MYO3A: variants seen among roughly 807,000 people sequenced by gnomAD.
MYO3A encodes the protein myosin-IIIa.
Under a neutral mutation model 192.7 loss-of-function variants are expected in MYO3A, and 180 were observed. The ratio of observed to expected loss-of-function variants is 0.93; its 90% CI spans 0.83 to 1.06. The LOEUF is 1.06. Ranked by LOEUF, MYO3A falls within the 50% of genes least tolerant of loss-of-function variation. MYO3A has a pLI of 0.00. For missense variants in MYO3A, 1,896 were observed against 1,905.0 expected, an observed-to-expected ratio of 1.00 and a Z score of 0.09; for synonymous variants, 628 against 645.3, an observed-to-expected ratio of 0.97 and a Z score of 0.41.
At chr10:25,939,609 T>G (rs1836342271) in intron 2 of MYO3A, among the ~76,000 whole-genome samples, 1 of 146,868 alleles carries the variant, frequency 6.8e-6, no homozygotes, top group Non-Finnish European at 1.5e-5. Flanking sequence ...TGTATAGTTG[T>G]TTTTTTTTAA....
intron 32 of MYO3A, among the ~76,000 whole-genome samples, chr10:26,194,525 C>G (rs1488886999): frequency 1.3e-5 from 2 of 152,174 alleles, no homozygotes; most frequent in Non-Finnish European, 2.9e-5. Flanking sequence ...GCAGCACTCC[C>G]CTATGCCCTG....
At chr10:25,993,126 T>A (rs1443547828) in intron 4 of MYO3A, among the ~76,000 whole-genome samples, 1 of 149,970 alleles carries the variant, frequency 6.7e-6, no homozygotes, top group African/African-American at 2.5e-5. Flanking sequence ...CGGCTGTGAA[T>A]CCATTTGGTC....
At chr10:26,098,969 G>A (rs1168052368) in intron 17 of MYO3A, among the ~76,000 whole-genome samples, 1 of 152,170 alleles carries the variant, frequency 6.6e-6, no homozygotes, top group African/African-American at 2.4e-5. Context: ...GTAGCTTGAT[G>A]GAGATGGCAA....
At chr10:26,105,332 A>G (rs1479520927) in intron 17 of MYO3A, among the ~76,000 whole-genome samples, 2 of 152,128 alleles carry the variant, frequency 1.3e-5, no homozygotes, top group African/African-American at 4.8e-5. Flanking sequence ...CACCAACAAT[A>G]CATATTAATA....
chr10:26,011,657 C>T (rs1293017074), intron 6 of MYO3A, among the ~76,000 whole-genome samples: 1 of 152,068 alleles, frequency 6.6e-6, no homozygotes, highest in Non-Finnish European at 1.5e-5. Flanking sequence ...CAGGACCAGA[C>T]CTATTCACTG....
intron 17 of MYO3A, among the ~76,000 whole-genome samples, chr10:26,113,274 C>T (rs1564562244): frequency 1.3e-5 from 2 of 151,880 alleles, no homozygotes; most frequent in East Asian, 1.9e-4. Flanking sequence ...AGTTTGAGAC[C>T]GGCCTGGGCA....
intron 14 of MYO3A, among the ~76,000 whole-genome samples, chr10:26,082,679 C>T (rs950484885): frequency 1.3e-5 from 2 of 152,028 alleles, no homozygotes; most frequent in Admixed American, 1.3e-4. Context: ...AAGAGATTAA[C>T]AATAACTAAA....
At chr10:26,165,308 C>A (rs997358552) in intron 26 of MYO3A, among the ~76,000 whole-genome samples, 5 of 152,160 alleles carry the variant, frequency 3.3e-5, no homozygotes, top group Non-Finnish European at 5.9e-5. Flanking sequence ...TGCTTTGTTG[C>A]ACTGGACTTT....
chr10:26,125,225 A>G (rs1839142654), intron 18 of MYO3A, among the ~76,000 whole-genome samples, 173 bp from the exon 19 acceptor site: 1 of 152,240 alleles, frequency 6.6e-6, no homozygotes, highest in Non-Finnish European at 1.5e-5. Context: ...GTTGAGAAAA[A>G]TGATCAAGAA....
intron 2 of MYO3A, 81 bp from the exon 3 acceptor site, chr10:25,952,013 T>C (rs879514094): frequency 1.9e-6 from 2 of 1,027,276 alleles, no homozygotes; most frequent in Non-Finnish European, 3.0e-6. Context: ...AGTGAAAATA[T>C]TCGCTAATTT....
chr10:26,056,424 G>C (rs1834114481), intron 10 of MYO3A, among the ~76,000 whole-genome samples: 1 of 152,184 alleles, frequency 6.6e-6, no homozygotes, highest in South Asian at 2.1e-4. Context: ...AACAATGACT[G>C]AGAATTTTCC....
chr10:26,142,827 G>A (rs929971064), intron 20 of MYO3A, among the ~76,000 whole-genome samples: 8 of 152,108 alleles, frequency 5.3e-5, no homozygotes, highest in Non-Finnish European at 1.2e-4. Context: ...CCTCTAAGAT[G>A]TATCTAGTTA....
chr10:26,050,647 A>G (rs534277846), intron 10 of MYO3A, among the ~76,000 whole-genome samples: 1 of 152,352 alleles, frequency 6.6e-6, no homozygotes, highest in African/African-American at 2.4e-5. Context: ...CAGATATCAG[A>G]TTTATTTCAA....
In MYO3A at chr10:26,120,641, A is replaced by G. The variant is rs1195012062; in HGVS notation, c.1777-35A>G. On this transcript the variant is annotated intron_variant, in intron 17 of 34. Transcript: ENST00000642920. ...GTCACTGGTTGGCTGTACTCAAGGAAAGAATGATGCCAATGTTTCTGTGGT... is the reference window on the plus strand; with the variant it reads ...GTCACTGGTTGGCTGTACTCAAGGAGAGAATGATGCCAATGTTTCTGTGGT... 3 of 1,613,442 alleles carry G rather than the reference A, an allele frequency of 1.9e-6. 1 individual carries two copies. The highest frequency in any genetic ancestry group is 3.3e-4 in the Middle Eastern group (2 of 6,056).
Position 25,971,634 on chromosome 10 carries a change from A to AT in MYO3A, c.303+16632dup, listed in dbSNP as rs1358899785. Among the ~76,000 whole-genome samples, 15 of 152,074 alleles carry AT rather than the reference A, an allele frequency of 9.9e-5. 1 individual carries two copies. In the East Asian group the frequency reaches 2.9e-3, roughly 29 times the overall value. ...CTGAGTATGATAGTCTTAGTAAGGT[A>AT]TTTTTTCCTTTAGCACCTTGAATAT... is the stretch of plus-strand genomic sequence containing the variant. On this transcript the variant is annotated intron_variant, in intron 4 of 34. Coordinates refer to ENST00000642920, the MANE Select transcript of MYO3A (RefSeq NM_017433.5).
rs181088259 is a variant in MYO3A, at chr10:26,190,974, A to G, written c.4439-2231A>G. Among the ~76,000 whole-genome samples, 497 of 152,294 alleles carry G rather than the reference A, an allele frequency of 3.3e-3. 3 individuals carry two copies. Among genetic ancestry groups the G allele is most frequent in the African/African-American group, 0.011 (454 of 41,576 alleles). ...TTGGCAATTATTCAGCTTCTTGGCC[A>G]TCTTCATTTTAATTAATTTGTATTA... is the stretch of plus-strand genomic sequence containing the variant. On this transcript the variant is annotated intron_variant, in intron 31 of 34. Coordinates refer to ENST00000642920, the MANE Select transcript of MYO3A (RefSeq NM_017433.5).
In MYO3A at chr10:25,936,715, G is replaced by A. The variant is rs191932804; in HGVS notation, c.-18+885G>A. Among the ~76,000 whole-genome samples, 27 of 152,216 alleles carry A rather than the reference G, an allele frequency of 1.8e-4. No individual in the cohort carries two copies. In the East Asian group the frequency reaches 2.5e-3, roughly 14 times the overall value. On this transcript the variant is annotated intron_variant, in intron 2 of 34. Coordinates refer to ENST00000642920, the MANE Select transcript of MYO3A (RefSeq NM_017433.5). The stretch of plus-strand genomic sequence containing the variant: ...ACTAAAATCATCTATCATTGGACAC[G>A]TAATTTCTACCATGAACTTAAACAT...
intron 3 of MYO3A, among the ~76,000 whole-genome samples, chr10:25,953,985 CATATTTT>C (rs1450630824): frequency 1.3e-5 from 2 of 152,108 alleles, no homozygotes; most frequent in Non-Finnish European, 2.9e-5. Flanking sequence ...CTTACTCTTA[CATATTTT>C]TAATCAGTCA....
chr10:25,968,086 CA>C (rs1838374430), intron 4 of MYO3A, among the ~76,000 whole-genome samples: 1 of 152,090 alleles, frequency 6.6e-6, no homozygotes, highest in Non-Finnish European at 1.5e-5. Flanking sequence ...GGTCAAAAAT[CA>C]CTCAAGTATG....
Sources: gnomAD v4.1 joint callset for allele counts (sites outside exome capture counted in the v4.1 genomes callset) on GRCh38, gnomAD v4.1.1 for gene constraint, MANE v1.5 for transcripts, NCBI Gene and HGNC (gene_info 2026-07-23, HGNC 2026-07-21) for gene names.